GFRA2: variants seen among roughly 807,000 people sequenced by gnomAD.
GFRA2 encodes GDNF family receptor alpha 2.
GFRA2 carries 17 observed loss-of-function variants against 48.3 expected under a neutral mutation model. That is an observed-to-expected ratio of 0.35 (90% CI 0.24 to 0.53). The LOEUF (loss-of-function observed/expected upper bound fraction) is 0.53. Among genes scored for constraint, GFRA2 ranks in the 20% least tolerant of loss-of-function variants. GFRA2 has a pLI of 0.93. For synonymous variants in GFRA2, 305 were observed against 257.2 expected (o/e 1.19, Z -1.78); for missense variants, 660 against 637.3 (o/e 1.04, Z -0.38).
chr8:21,748,903 C>A (rs998490201), intron 4 of GFRA2, among the ~76,000 whole-genome samples: 1 of 152,214 alleles, frequency 6.6e-6, no homozygotes, highest in Non-Finnish European at 1.5e-5. Flanking sequence ...CCACTTCCAC[C>A]CTGTGCCATG....
chr8:21,706,495 T>G, intron 4 of GFRA2: 2 of 455,776 alleles, frequency 4.4e-6, no homozygotes, highest in East Asian at 7.0e-5. Context: ...GACTAGTCCC[T>G]TCCCTAGATG....
chr8:21,744,477 C>T (rs1563242338), intron 4 of GFRA2, among the ~76,000 whole-genome samples: 1 of 151,640 alleles, frequency 6.6e-6, no homozygotes, highest in South Asian at 2.1e-4. Flanking sequence ...AGGACCGCTT[C>T]CAAATGAGGC....
chr8:21,796,412 G>C (rs1261883688), intron 2 of GFRA2, among the ~76,000 whole-genome samples: 2 of 152,350 alleles, frequency 1.3e-5, no homozygotes, highest in African/African-American at 4.8e-5. Context: ...CCCCCGCAGA[G>C]AGCTCTCAGT....
At chr8:21,736,738 G>C (rs1180843319) in intron 4 of GFRA2, among the ~76,000 whole-genome samples, 1 of 152,000 alleles carries the variant, frequency 6.6e-6, no homozygotes, top group Non-Finnish European at 1.5e-5. Flanking sequence ...CTGGCCTCAA[G>C]CAATCCTCCT....
intron 3 of GFRA2, among the ~76,000 whole-genome samples, chr8:21,762,555 G>A (rs542616932): frequency 1.3e-5 from 2 of 152,232 alleles, no homozygotes; most frequent in South Asian, 2.1e-4. Context: ...AGGCTAACCC[G>A]CCAAAAATCA....
At chr8:21,751,411 A>C (rs935558979) in intron 3 of GFRA2, among the ~76,000 whole-genome samples, 2 of 152,194 alleles carry the variant, frequency 1.3e-5, no homozygotes, top group African/African-American at 4.8e-5. Flanking sequence ...CAGACAGCAC[A>C]CACATGCCCT....
intron 1 of GFRA2, among the ~76,000 whole-genome samples, chr8:21,811,029 G>A (rs1367015670): frequency 2.6e-5 from 4 of 152,208 alleles, no homozygotes; most frequent in African/African-American, 4.8e-5. Flanking sequence ...CCAGAAAACC[G>A]ATTTTTAAAT....
At chr8:21,773,503 C>T (rs1340558967) in intron 3 of GFRA2, among the ~76,000 whole-genome samples, 3 of 152,172 alleles carry the variant, frequency 2.0e-5, no homozygotes, top group Non-Finnish European at 2.9e-5. Context: ...GCTTTCTCCA[C>T]GGGAAGGACG....
At chr8:21,791,240 T>G (rs1368943425), upstream of GFRA2, among the ~76,000 whole-genome samples, 1 of 152,112 alleles carries the variant, frequency 6.6e-6, no homozygotes, top group African/African-American at 2.4e-5. Context: ...AATGAAGCCC[T>G]GGGGATGGTT....
At chr8:21,787,593 G>A (rs941124930) in intron 1 of GFRA2, among the ~76,000 whole-genome samples, 16 of 152,156 alleles carry the variant, frequency 1.1e-4, no homozygotes, top group Admixed American at 8.5e-4. Flanking sequence ...TGGCAGGTGG[G>A]GAGTGACTGC....
At chr8:21,806,106 C>A (rs1305148117) in intron 1 of GFRA2, among the ~76,000 whole-genome samples, 1 of 152,204 alleles carries the variant, frequency 6.6e-6, no homozygotes, top group African/African-American at 2.4e-5. Flanking sequence ...ATTATTCAAG[C>A]CTCCTCTCCA....
intron 2 of GFRA2, among the ~76,000 whole-genome samples, chr8:21,795,528 A>T (rs1807656499): frequency 6.6e-6 from 1 of 152,008 alleles, no homozygotes; most frequent in Non-Finnish European, 1.5e-5. Context: ...GAGTAGGTGG[A>T]ATTACAGGCG....
At chr8:21,708,176 T>C (rs1802843757) in intron 4 of GFRA2, among the ~76,000 whole-genome samples, 1 of 152,248 alleles carries the variant, frequency 6.6e-6, no homozygotes, top group Admixed American at 6.5e-5. Context: ...AGGAAAGCAA[T>C]GTCTTCCACA....
chr8:21,786,561 G>A (rs1807278455), intron 1 of GFRA2, among the ~76,000 whole-genome samples: 1 of 152,192 alleles, frequency 6.6e-6, no homozygotes, highest in Admixed American at 6.5e-5. Flanking sequence ...TGACAGGAAG[G>A]GCTTCGGGAT....
chr8:21,754,278 T>C (rs1407522584), intron 3 of GFRA2, among the ~76,000 whole-genome samples: 2 of 152,176 alleles, frequency 1.3e-5, no homozygotes, highest in Non-Finnish European at 2.9e-5. Flanking sequence ...GCAATAGGTA[T>C]TTAAGGGGTG....
At chr8:21,783,684 C>T (rs896293095) in intron 1 of GFRA2, among the ~76,000 whole-genome samples, 62 of 152,100 alleles carry the variant, frequency 4.1e-4, no homozygotes, top group Non-Finnish European at 7.4e-4. Flanking sequence ...GAGACCTGAA[C>T]TCTCCTCTTC....
rs571643974 is a variant in GFRA2 at position 21,715,757 on chromosome 8, G to A, written c.795-9716C>T. Among the ~76,000 whole-genome samples, 16 of 152,308 alleles carry A rather than the reference G, an allele frequency of 1.1e-4. No homozygotes were observed. In the South Asian group the frequency reaches 3.3e-3, roughly 32 times the overall value. ...TAATGGGGCAGGCAAGGAAAAACAT[G>A]CTTTTCTTTTTGGTTCTAAGATACA... On this transcript the variant is annotated intron_variant, in intron 4 of 8. Transcript: ENST00000524240.
At chr8:21,725,233 G>A (rs1430161190) in intron 4 of GFRA2, among the ~76,000 whole-genome samples, 2 of 152,238 alleles carry the variant, frequency 1.3e-5, no homozygotes, top group Admixed American at 1.3e-4. Flanking sequence ...AGAGCCCTCA[G>A]GGCTGGGTTG....
At chr8:21,811,561 G>A (rs1267796802) in intron 1 of GFRA2, among the ~76,000 whole-genome samples, 2 of 152,106 alleles carry the variant, frequency 1.3e-5, no homozygotes, top group African/African-American at 2.4e-5. Flanking sequence ...TCGGGTCAGA[G>A]GAACAGTCTC....
Sources: gnomAD v4.1 joint callset for allele counts (sites outside exome capture counted in the v4.1 genomes callset) on GRCh38, gnomAD v4.1.1 for gene constraint, MANE v1.5 for transcripts, NCBI Gene and HGNC (gene_info 2026-07-23, HGNC 2026-07-21) for gene names.